The following NPAS4 variants were observed in gnomAD, a reference collection of about 807,000 sequenced individuals.
NPAS4 encodes neuronal PAS domain protein 4.
A neutral mutation model predicts 64.0 loss-of-function variants in NPAS4; 10 were observed. That is an observed-to-expected ratio of 0.16 (90% CI 0.10 to 0.26). The LOEUF (loss-of-function observed/expected upper bound fraction) is 0.26, where lower values mean the gene tolerates loss of function less well. Among genes scored for constraint, NPAS4 ranks in the 10% least tolerant of loss-of-function variants. The probability of loss-of-function intolerance (pLI) is 1.00; values close to 1 mark genes in which losing one functional copy is unlikely to be tolerated. For synonymous variants in NPAS4, 441 were observed against 411.7 expected (o/e 1.07, Z -0.86); for missense variants, 886 against 992.6 (o/e 0.89, Z 1.44).
In NPAS4 at chr11:66,423,204, C is replaced by T. The variant is rs1474295176; in HGVS notation, c.780C>T (p.Ala260=). Residue 260 remains alanine (A), a synonymous_variant, in exon 5 of 8, where the codon GCC becomes GCT. Coordinates refer to ENST00000311034, the MANE Select transcript of NPAS4 (RefSeq NM_178864.4). ...WYGLLHPEDL[A]HASAQHYRLL... is the part of the protein sequence containing the mutation. ...GACTGCTGCACCCCGAGGACCTGGC[C>T]CACGCTTCTGCTCAACACTACCGCC... The T allele has an allele frequency of 6.2e-7, 1 of 1,609,150 alleles. No homozygotes were observed. Among genetic ancestry groups the T allele is most frequent in the Non-Finnish European group, 8.5e-7 (1 of 1,177,158 alleles).
At chr11:66,412,311 C>T in the NPAS4 span, among the ~76,000 whole-genome samples, 1 of 152,206 alleles carries the variant, frequency 6.6e-6, no homozygotes, top group Admixed American at 6.5e-5. Flanking sequence ...CAGCTGCTGC[C>T]CGGGGAAGGA....
rs1405001077 is a variant in NPAS4, at chr11:66,422,181, G to T, written c.237G>T (p.Ala79=). ...CTCAAGAGCTTGAGGACATCGTAGC[G>T]GCACTACCCGGCTTTCTGCTTGTGT... ...LSAQELEDIV[A]ALPGFLLVFT... The change falls in exon 2 of 8, where the codon GCG becomes GCT. Residue 79 remains alanine (A), a synonymous_variant. Transcript: ENST00000311034. 2.5e-6 allele frequency: 4 copies of T among 1,613,900 alleles called. No individual in the cohort carries two copies. Among genetic ancestry groups the T allele is most frequent in the Non-Finnish European group, 3.4e-6 (4 of 1,179,994 alleles).
upstream of NPAS4, among the ~76,000 whole-genome samples, chr11:66,418,690 C>G (rs1478324406): frequency 6.6e-6 from 1 of 152,160 alleles, no homozygotes; most frequent in Non-Finnish European, 1.5e-5. Flanking sequence ...GCCCAGTTCT[C>G]CTCCCTTGCT....
chr11:66,414,658 A>G, the NPAS4 span, among the ~76,000 whole-genome samples: 1 of 152,226 alleles, frequency 6.6e-6, no homozygotes, highest in South Asian at 2.1e-4. Context: ...TAGCATAATG[A>G]AAAGGCCTCA....
chr11:66,424,293 A>G lies in NPAS4; in HGVS notation c.1403A>G (p.Asp468Gly), dbSNP rs574575450. ...QLTPSTATFS[D>G]QLTPSSATFP... The stretch of plus-strand genomic sequence containing the variant: ...ACTCCAAGCACTGCGACCTTCTCTG[A>G]TCAGTTGACGCCCAGCAGTGCAACC... The change falls in exon 7 of 8, where the codon GAT becomes GGT. Residue 468 changes from aspartate to glycine, a missense_variant. Around this residue, in one of 3 missense-constraint regions of NPAS4, gnomAD observed 820 missense variants for 855.5 expected, o/e 0.96. Transcript: ENST00000311034. 3 of 1,614,020 alleles carry G rather than the reference A, an allele frequency of 1.9e-6. No individual in the cohort carries two copies. In the African/African-American group the frequency reaches 4.0e-5, roughly 22 times the overall value.
chr11:66,417,769 A>G (rs563995600), upstream of NPAS4, among the ~76,000 whole-genome samples: 4 of 152,232 alleles, frequency 2.6e-5, no homozygotes, highest in South Asian at 4.1e-4. Flanking sequence ...ATAAATACAC[A>G]CAGGCACAAA....
Position 66,423,694 on chromosome 11 carries a change from G to A in NPAS4, c.925G>A (p.Ala309Thr), listed in dbSNP as rs774393011. The change falls in exon 6 of 8, where the codon GCC becomes ACC. Residue 309 changes from alanine (A) to threonine (T), a missense_variant. Physicochemically the swap from Ala to Thr is moderately conservative, Grantham distance 58 (BLOSUM62 0). This residue lies in a region of NPAS4 where 820 missense variants were observed against 855.5 expected (regional missense o/e 0.96). Transcript: ENST00000311034. ...AGAAGGTCCAGAGGGACCCATTACT[G>A]CCAATAACTACCCAATCAGGTAAGC... ...YSEGPEGPITANNYPISDMEA... is the reference protein window; with the variant it reads ...YSEGPEGPITTNNYPISDMEA... 3.7e-6 allele frequency: 6 copies of A among 1,614,136 alleles called. No individual in the cohort carries two copies. The East Asian group carries it at 1.3e-4, about 36-fold the overall frequency.
intron 5 of NPAS4, 71 bp downstream of exon 5, chr11:66,423,303 A>G (rs1856780505): frequency 9.4e-7 from 1 of 1,063,506 alleles, no homozygotes; most frequent in Non-Finnish European, 1.4e-6. Context: ...ACAAAGAATG[A>G]TCTGTAGTCA....
At chr11:66,413,320 G>A in the NPAS4 span, among the ~76,000 whole-genome samples, 12 of 152,246 alleles carry the variant, frequency 7.9e-5, no homozygotes, top group Non-Finnish European at 5.9e-5. Flanking sequence ...GCACTGTGGC[G>A]GCCGGGAGGG....
At chr11:66,423,537 G>A (rs760816165) in intron 5 of NPAS4, 41 bp from the exon 6 acceptor site, 1 of 1,611,470 alleles carries the variant, frequency 6.2e-7, no homozygotes, top group South Asian at 1.1e-5. Context: ...AGGTAGAATT[G>A]CCTGGTGGAC....
At position 66,426,061 on chromosome 11, in the gene NPAS4, C is replaced by T; in HGVS notation, c.*72C>T. On this transcript the variant is annotated 3_prime_UTR_variant, in exon 8 of 8. Coordinates refer to ENST00000311034, the MANE Select transcript of NPAS4 (RefSeq NM_178864.4). Reference sequence around the variant, plus strand: ...GACGTGGAGCCGCTCTCCACCCCCCCGGGACTGTTGGGGGGATTCTGAGGG... The same window carrying T: ...GACGTGGAGCCGCTCTCCACCCCCCTGGGACTGTTGGGGGGATTCTGAGGG... The T allele has an allele frequency of 4.7e-6, 5 of 1,062,810 alleles. No homozygotes were observed. Among genetic ancestry groups the T allele is most frequent in the Non-Finnish European group, 7.0e-6 (5 of 710,230 alleles). 65.8% of individuals were successfully genotyped at this position (1,062,810 alleles called of 1,614,324 possible).
At chr11:66,412,128 G>A in the NPAS4 span, among the ~76,000 whole-genome samples, 1 of 152,240 alleles carries the variant, frequency 6.6e-6, no homozygotes, top group Non-Finnish European at 1.5e-5. Flanking sequence ...CAGCCTGGAG[G>A]AGTTTTTAGT....
rs1856789560 is a variant in NPAS4, at chr11:66,423,638, G to A, written c.869G>A (p.Gly290Asp). The A allele has an allele frequency of 6.2e-7, 1 of 1,614,046 alleles. No individual in the cohort carries two copies. The highest frequency in any genetic ancestry group is 1.1e-5 in the South Asian group (1 of 91,082). ...GTGAGGCTACAGGCCAAGACTGGAG[G>A]CTGGGCATGGATTTACTGCCTGTTA... ...MVVRLQAKTG[G>D]WAWIYCLLYS... is the part of the protein sequence containing the mutation. Residue 290 changes from glycine (G) to aspartate (D), a missense_variant, in exon 6 of 8, where the codon GGC (glycine) becomes GAC (aspartate). By Grantham distance (94) the Gly-to-Asp change is moderately conservative. Coordinates refer to ENST00000311034, the MANE Select transcript of NPAS4 (RefSeq NM_178864.4).
In NPAS4 at chr11:66,424,414, C is replaced by A; in HGVS notation, c.1524C>A (p.Phe508Leu). The change falls in exon 7 of 8, where the codon TTC (phenylalanine) becomes TTA (leucine). Residue 508 changes from phenylalanine (F) to leucine (L), a missense_variant. Coordinates refer to ENST00000311034, the MANE Select transcript of NPAS4 (RefSeq NM_178864.4). ...EDQLTPCTST[F>L]PDQLLPSTAT... The stretch of plus-strand genomic sequence containing the variant: ...AGTTGACTCCCTGCACCTCCACCTT[C>A]CCAGACCAGCTGCTTCCCAGCACAG... The A allele has an allele frequency of 6.2e-7, 1 of 1,614,148 alleles. No individual in the cohort carries two copies. The highest frequency in any genetic ancestry group is 8.5e-7 in the Non-Finnish European group (1 of 1,180,020).
chr11:66,424,672 C>A lies in NPAS4; in HGVS notation c.1782C>A (p.Leu594=), dbSNP rs367921620. 4.3e-6 allele frequency: 7 copies of A among 1,613,482 alleles called. No homozygotes were observed. Among genetic ancestry groups the A allele is most frequent in the Non-Finnish European group, 5.9e-6 (7 of 1,179,622 alleles). ...GDCTLLALAQ[L]RGPLSVDVPL... ...GCACGCTCTTGGCCCTAGCCCAGCT[C>A]CGGGGCCCCCTCTCTGTGGATGTCC... Residue 594 remains leucine, a synonymous_variant, in exon 7 of 8, where the codon CTC becomes CTA. Transcript: ENST00000311034.
chr11:66,426,146 G>C lies in NPAS4; in HGVS notation c.*157G>C. 5.6e-6 allele frequency: 2 copies of C among 359,462 alleles called. No homozygotes were observed. Among genetic ancestry groups the C allele is most frequent in the East Asian group, 6.8e-5 (1 of 14,740 alleles). The allele number at this position is 359,462 out of a possible 1,614,324, so 22.3% of individuals were successfully genotyped here. ...CAGGATTTTGGGGGGGGGGAGGTGG[G>C]AGGGCAAGGGAGGGGAGCTTCTTTT... On this transcript the variant is annotated 3_prime_UTR_variant, in exon 8 of 8. Coordinates refer to ENST00000311034, the MANE Select transcript of NPAS4 (RefSeq NM_178864.4).
chr11:66,410,408 G>T, the NPAS4 span: 5 of 152,210 alleles, frequency 3.3e-5, no homozygotes, highest in African/African-American at 9.7e-5. Flanking sequence ...CCTAGCTCTG[G>T]GACCTTGAAT....
rs1264740763 is a variant in NPAS4, at chr11:66,424,237, C to A, written c.1347C>A (p.Pro449=). The A allele has an allele frequency of 2.5e-6, 4 of 1,614,102 alleles. No homozygotes were observed. The East Asian group carries it at 6.7e-5, about 27-fold the overall frequency. The change falls in exon 7 of 8, where the codon CCC becomes CCA. Residue 449 remains proline (P), a synonymous_variant. Coordinates refer to ENST00000311034, the MANE Select transcript of NPAS4 (RefSeq NM_178864.4). ...ATGAGCCCTTCCAGACCCATTTGCCCACCCCATCCAGCACTCTTCAAGAAC... is the reference window on the plus strand; with the variant it reads ...ATGAGCCCTTCCAGACCCATTTGCCAACCCCATCCAGCACTCTTCAAGAAC... ...SLHEPFQTHL[P]TPSSTLQEQL...
intron 1 of NPAS4, 39 bp from the exon 2 acceptor site, chr11:66,422,081 A>T (rs1856752780): frequency 1.3e-6 from 2 of 1,595,244 alleles, no homozygotes; most frequent in African/African-American, 2.7e-5. Context: ...TCTGCCTCCC[A>T]GTCTTACTCC....
Sources: gnomAD v4.1 joint callset for allele counts (sites outside exome capture counted in the v4.1 genomes callset) on GRCh38, gnomAD v4.1.1 for gene constraint, gnomAD v4.1.1 regional missense constraint, MANE v1.5 for transcripts, NCBI Gene and HGNC (gene_info 2026-07-23, HGNC 2026-07-21) for gene names.